TOX2: variants seen among roughly 807,000 people sequenced by gnomAD.
The protein encoded by TOX2 is granulosa cell HMG box 1.
Under a neutral mutation model 47.4 loss-of-function variants are expected in TOX2, and 15 were observed. The ratio of observed to expected loss-of-function variants is 0.32; its 90% CI spans 0.21 to 0.49. TOX2 has a LOEUF of 0.49. Among genes scored for constraint, TOX2 ranks in the 20% least tolerant of loss-of-function variants. TOX2 has a pLI of 0.99. For synonymous variants in TOX2, 290 were observed against 296.6 expected (o/e 0.98, Z 0.23); for missense variants, 622 against 673.1 (o/e 0.92, Z 0.84).
At chr20:44,017,468 C>T (rs1600741359) in intron 3 of TOX2, among the ~76,000 whole-genome samples, 1 of 152,162 alleles carries the variant, frequency 6.6e-6, no homozygotes, top group Non-Finnish European at 1.5e-5. Flanking sequence ...ACGTGGGCAG[C>T]TCAGTGACAT....
chr20:43,924,426 A>G (rs2069143202), intron 1 of TOX2, among the ~76,000 whole-genome samples: 1 of 151,394 alleles, frequency 6.6e-6, no homozygotes, highest in Admixed American at 6.6e-5. Flanking sequence ...CTGAGCTGTC[A>G]CATATCTTCC....
intron 3 of TOX2, among the ~76,000 whole-genome samples, chr20:44,030,639 G>A (rs938705814): frequency 6.6e-6 from 1 of 152,080 alleles, no homozygotes; most frequent in African/African-American, 2.4e-5. Context: ...CTTCCCTCTC[G>A]GCCCTCACCA....
chr20:44,063,787 T>TATACAC (rs2071762783), intron 5 of TOX2, among the ~76,000 whole-genome samples: 1 of 133,968 alleles, frequency 7.5e-6, no homozygotes, highest in Non-Finnish European at 1.6e-5. Flanking sequence ...CATATATATG[T>TATACAC]ACACACACAC....
intron 3 of TOX2, among the ~76,000 whole-genome samples, chr20:44,020,956 T>C (rs376876161): frequency 4.6e-5 from 7 of 152,158 alleles, no homozygotes; most frequent in African/African-American, 1.7e-4. Flanking sequence ...CCTGTGCACC[T>C]CCCATTGGGA....
chr20:44,007,073 T>C (rs2070698181), intron 3 of TOX2, among the ~76,000 whole-genome samples: 1 of 152,234 alleles, frequency 6.6e-6, no homozygotes, highest in South Asian at 2.1e-4. Flanking sequence ...CATTATTTGT[T>C]AATAGTATAA....
rs745714351 is a variant in TOX2 at position 44,006,774 on chromosome 20, G to T, written c.393G>T (p.Leu131=). The part of the protein sequence containing the change: ...SNMLAQDSHL[L]SGQLPTIQEM... Reference sequence around the variant, plus strand: ...TGCTAGCACAGGACAGCCACCTGCTGTCGGGCCAGCTGCCCACGGTGAGTC... The same window carrying T: ...TGCTAGCACAGGACAGCCACCTGCTTTCGGGCCAGCTGCCCACGGTGAGTC... The change falls in exon 3 of 9, where the codon CTG becomes CTT. Residue 131 remains leucine (L), a synonymous_variant. Transcript: ENST00000341197. The T allele has an allele frequency of 3.7e-6, 6 of 1,613,580 alleles. No homozygotes were observed. The highest frequency in any genetic ancestry group is 5.1e-6 in the Non-Finnish European group (6 of 1,179,976).
At chr20:43,934,829 T>TG in intron 1 of TOX2, among the ~76,000 whole-genome samples, 1 of 150,540 alleles carries the variant, frequency 6.6e-6, no homozygotes, top group Non-Finnish European at 1.5e-5. Flanking sequence ...TGTGTGTATG[T>TG]GGGGGTGTGT....
intron 2 of TOX2, among the ~76,000 whole-genome samples, chr20:43,988,244 A>G (rs2070306890): frequency 6.6e-6 from 1 of 152,172 alleles, no homozygotes; most frequent in Non-Finnish European, 1.5e-5. Context: ...AAGCACATGC[A>G]TATGTGTGTG....
chr20:43,940,216 T>C (rs2069384286), intron 1 of TOX2, among the ~76,000 whole-genome samples: 1 of 151,626 alleles, frequency 6.6e-6, no homozygotes, highest in Admixed American at 6.6e-5. Flanking sequence ...TGGTGGGACG[T>C]CACTTTTTTT....
chr20:44,059,188 T>C (rs1253788911), intron 5 of TOX2, among the ~76,000 whole-genome samples: 2 of 152,098 alleles, frequency 1.3e-5, no homozygotes, highest in Non-Finnish European at 2.9e-5. Context: ...CAATCACAAC[T>C]TCTGGAAATG....
intron 3 of TOX2, among the ~76,000 whole-genome samples, chr20:44,016,461 G>A (rs2070880180): frequency 6.6e-6 from 1 of 152,038 alleles, no homozygotes; most frequent in African/African-American, 2.4e-5. Flanking sequence ...TCCCACCTGT[G>A]TTCTTTAGCG....
At chr20:44,065,083 G>C (rs2071789317) in intron 6 of TOX2, among the ~76,000 whole-genome samples, 1 of 152,234 alleles carries the variant, frequency 6.6e-6, no homozygotes, top group South Asian at 2.1e-4. Context: ...ACCCAGAGGG[G>C]TTGAGCAACT....
intron 3 of TOX2, chr20:44,039,197 A>C: frequency 3.1e-6 from 4 of 1,279,920 alleles, no homozygotes; most frequent in Non-Finnish European, 4.1e-6. Flanking sequence ...GGAGCAGGAG[A>C]GGGAAGGCTT....
chr20:43,965,910 A>G (rs1246234810), intron 1 of TOX2, among the ~76,000 whole-genome samples: 1 of 152,168 alleles, frequency 6.6e-6, no homozygotes, highest in Non-Finnish European at 1.5e-5. Flanking sequence ...TTGAGGGAAT[A>G]TCTGATGGCT....
chr20:43,939,931 G>A (rs2069379668), intron 1 of TOX2, among the ~76,000 whole-genome samples: 1 of 152,190 alleles, frequency 6.6e-6, no homozygotes, highest in Non-Finnish European at 1.5e-5. Context: ...ATGCTGCAGA[G>A]GTTTCCTTCT....
chr20:44,009,827 G>T (rs1321585670), intron 3 of TOX2, among the ~76,000 whole-genome samples: 2 of 152,168 alleles, frequency 1.3e-5, no homozygotes, highest in Non-Finnish European at 2.9e-5. Context: ...CTGCTATGAG[G>T]GCTGTGGTGC....
In TOX2 at chr20:43,914,985, G is replaced by T. The variant is rs550731186; in HGVS notation, c.94G>T (p.Gly32Cys). The T allele has an allele frequency of 1.3e-5, 16 of 1,245,228 alleles. No individual in the cohort carries two copies. Among genetic ancestry groups the T allele is most frequent in the Admixed American group, 8.5e-5 (2 of 23,596 alleles). The allele number at this position is 1,245,228 out of a possible 1,614,324, so 77.1% of individuals were successfully genotyped here. Residue 32 changes from glycine to cysteine, a missense_variant, in exon 1 of 9, where the codon GGC becomes TGC. This residue lies in a region of TOX2 where 307 missense variants were observed against 327.3 expected (regional missense o/e 0.94). Transcript: ENST00000341197. The surrounding 1 kb of genome is among the most constrained non-coding windows in gnomAD (Gnocchi z 4.5). ...GGCGCACCTGGACTATTACCACGGC[G>T]GCAAGGTAGGCGGGGGCGGGCGGGG... ...GLAHLDYYHG[G>C]KFDGDSAYVG...
At chr20:43,963,320 G>A (rs1388384303) in intron 1 of TOX2, among the ~76,000 whole-genome samples, 2 of 152,208 alleles carry the variant, frequency 1.3e-5, no homozygotes, top group Admixed American at 6.5e-5. Context: ...TCTTGTTGGG[G>A]GTGGGGACAA....
At chr20:43,921,405 C>A (rs570771045) in intron 1 of TOX2, among the ~76,000 whole-genome samples, 1 of 152,216 alleles carries the variant, frequency 6.6e-6, no homozygotes, top group Non-Finnish European at 1.5e-5. Context: ...GCCTTCACCA[C>A]CATCAGGGCA....
Sources: allele counts gnomAD v4.1 joint callset (sites outside exome capture counted in the v4.1 genomes callset), GRCh38; gene constraint gnomAD v4.1.1; regional missense constraint gnomAD v4.1.1; non-coding constraint Gnocchi (gnomAD v3.1); transcripts MANE v1.5; gene names NCBI Gene and HGNC (gene_info 2026-07-23, HGNC 2026-07-21).